SLC4A4: variants seen among roughly 807,000 people sequenced by gnomAD.
The protein encoded by SLC4A4 is solute carrier family 4 member 4.
In SLC4A4, 27 loss-of-function variants were observed where a neutral mutation model predicts 111.5. The observed-to-expected ratio is 0.24, with a 90% confidence interval of 0.18 to 0.33. The LOEUF (loss-of-function observed/expected upper bound fraction) is 0.33, where lower values mean the gene tolerates loss of function less well. Ranked by LOEUF, SLC4A4 falls within the 10% of genes least tolerant of loss-of-function variation. The pLI, the probability that SLC4A4 is intolerant of heterozygous loss-of-function variation, is 1.00. For missense variants in SLC4A4, 909 were observed against 1,315.5 expected (o/e 0.69, Z 4.78); for synonymous variants, 443 against 463.4 (o/e 0.96, Z 0.57).
intron 3 of SLC4A4, among the ~76,000 whole-genome samples, chr4:71,273,891 A>T (rs1487004510): frequency 2.0e-5 from 3 of 152,166 alleles, no homozygotes; most frequent in Admixed American, 2.0e-4. Context: ...TGTCTGACTC[A>T]TGGAACTGTT....
At chr4:71,362,806 G>A (rs1425647140) in intron 6 of SLC4A4, among the ~76,000 whole-genome samples, 1 of 152,192 alleles carries the variant, frequency 6.6e-6, no homozygotes, top group African/African-American at 2.4e-5. Context: ...TAAGGAGCTG[G>A]AGACAGTGGC....
intron 2 of SLC4A4, among the ~76,000 whole-genome samples, chr4:71,094,991 T>C (rs184852701): frequency 3.9e-5 from 6 of 152,334 alleles, no homozygotes; most frequent in Non-Finnish European, 8.8e-5. Flanking sequence ...TTCAAATTGT[T>C]GATCAGTAAA....
intron 6 of SLC4A4, among the ~76,000 whole-genome samples, chr4:71,386,911 A>G (rs1718787884): frequency 1.3e-5 from 2 of 152,222 alleles, no homozygotes; most frequent in African/African-American, 2.4e-5. Context: ...AGCAGGAGGC[A>G]TAATTCTGAG....
At chr4:71,117,070 G>C (rs935801836) in intron 2 of SLC4A4, among the ~76,000 whole-genome samples, 1 of 152,132 alleles carries the variant, frequency 6.6e-6, no homozygotes, top group African/African-American at 2.4e-5. Flanking sequence ...CCAACCTCTT[G>C]GGCCCAAGTG....
intron 15 of SLC4A4, among the ~76,000 whole-genome samples, chr4:71,495,904 T>G (rs116549415): frequency 6.6e-6 from 1 of 152,088 alleles, no homozygotes; most frequent in Non-Finnish European, 1.5e-5. Context: ...CCCAACCACA[T>G]TGGCATCCAT....
At chr4:71,284,245 TC>T (rs1478160307) in intron 3 of SLC4A4, among the ~76,000 whole-genome samples, 1 of 152,224 alleles carries the variant, frequency 6.6e-6, no homozygotes, top group Non-Finnish European at 1.5e-5. Context: ...AAAATGTTTT[TC>T]ATTGAATTTG....
intron 14 of SLC4A4, among the ~76,000 whole-genome samples, chr4:71,482,720 T>G (rs1728996658): frequency 6.6e-6 from 1 of 151,636 alleles, no homozygotes; most frequent in African/African-American, 2.4e-5. Flanking sequence ...TTGCCTTTCC[T>G]CAAAAGCTCA....
intron 2 of SLC4A4, among the ~76,000 whole-genome samples, chr4:71,145,006 G>C (rs983857196): frequency 2.0e-5 from 3 of 152,076 alleles, no homozygotes; most frequent in Non-Finnish European, 2.9e-5. Flanking sequence ...TGGTGAGAGA[G>C]GGCATCCGTG....
At chr4:71,477,595 T>C (rs1460249364) in intron 14 of SLC4A4, among the ~76,000 whole-genome samples, 3 of 151,832 alleles carry the variant, frequency 2.0e-5, no homozygotes, top group Non-Finnish European at 4.4e-5. Context: ...ACAAAAGTGT[T>C]GTATATTATA....
rs376538998 is a variant in SLC4A4, at chr4:71,339,468, G to T, written c.352G>T (p.Val118Leu). The T allele has an allele frequency of 6.2e-7, 1 of 1,614,012 alleles. No homozygotes were observed. Among genetic ancestry groups the T allele is most frequent in the South Asian group, 1.1e-5 (1 of 91,066 alleles). The change falls in exon 4 of 26, where the codon GTG (valine) becomes TTG (leucine). Residue 118 changes from valine (V) to leucine (L), a missense_variant. By Grantham distance (32) the Val-to-Leu change is conservative (BLOSUM62 1). Transcript: ENST00000264485. ...CACGGAACTGGATGAGCTGCTGGCC[G>T]TGGATGGGCAGGAGATGGAGTGGAA... ...LFTELDELLA[V>L]DGQEMEWKET...
At chr4:71,231,295 A>G (rs1276035621) in intron 1 of SLC4A4, among the ~76,000 whole-genome samples, 2 of 152,156 alleles carry the variant, frequency 1.3e-5, no homozygotes, top group Non-Finnish European at 2.9e-5. Flanking sequence ...GGCAGTTGGC[A>G]TGGGCTCTGG....
intron 12 of SLC4A4, 127 bp downstream of exon 12, chr4:71,453,796 G>T (rs1430240678): frequency 3.1e-5 from 27 of 857,982 alleles, no homozygotes; most frequent in Non-Finnish European, 3.5e-5. Flanking sequence ...GCTGGATGCT[G>T]CATTTTACTT....
chr4:71,432,730 T>TA (rs201134667), intron 7 of SLC4A4, among the ~76,000 whole-genome samples: 3,345 of 152,078 alleles, frequency 0.022, 65 homozygotes, highest in Non-Finnish European at 0.033. Flanking sequence ...GTATCAAATT[T>TA]AAAAAAATCT....
intron 2 of SLC4A4, among the ~76,000 whole-genome samples, chr4:71,237,419 AATC>A (rs1719887654): frequency 6.6e-6 from 1 of 152,206 alleles, no homozygotes; most frequent in Non-Finnish European, 1.5e-5. Context: ...GATTTTTAAA[AATC>A]AGGGTTATAG....
intron 2 of SLC4A4, among the ~76,000 whole-genome samples, chr4:71,149,520 G>C (rs1020698242): frequency 6.6e-6 from 1 of 152,142 alleles, no homozygotes; most frequent in Non-Finnish European, 1.5e-5. Flanking sequence ...CTGGAGAGGA[G>C]AGCTCTAAAC....
chr4:71,250,651 G>A (rs1034421321), intron 2 of SLC4A4, among the ~76,000 whole-genome samples: 2 of 152,086 alleles, frequency 1.3e-5, no homozygotes, highest in South Asian at 2.1e-4. Context: ...TAAAATGCAC[G>A]TCATGAAACT....
chr4:71,197,842 A>G (rs1430778275), intron 1 of SLC4A4, among the ~76,000 whole-genome samples: 3 of 152,190 alleles, frequency 2.0e-5, no homozygotes, highest in African/African-American at 7.2e-5. Flanking sequence ...AATTAGAGAC[A>G]CCTACTAACT....
intron 4 of SLC4A4, among the ~76,000 whole-genome samples, chr4:71,343,666 C>T (rs923004178): frequency 6.6e-6 from 1 of 152,216 alleles, no homozygotes; most frequent in East Asian, 1.9e-4. Flanking sequence ...CTACATCTCA[C>T]ATTCAGTACT....
In SLC4A4 at chr4:71,555,124, A is replaced by G. The variant is rs779468300; in HGVS notation, c.2695-16A>G. On this transcript the variant is annotated splice_polypyrimidine_tract_variant and intron_variant, in intron 20 of 25. Coordinates refer to ENST00000264485, the MANE Select transcript of SLC4A4 (RefSeq NM_001098484.3). ...TTGTTATCATTTTTAAGTTGTATCC[A>G]TTTTTTTCCTTCTAGTTTATACCCA... 4.5e-6 allele frequency: 7 copies of G among 1,572,324 alleles called. No homozygotes were observed. The African/African-American group carries it at 5.4e-5, about 12-fold the overall frequency.
Sources: gnomAD v4.1 joint callset for allele counts (sites outside exome capture counted in the v4.1 genomes callset) on GRCh38, gnomAD v4.1.1 for gene constraint, MANE v1.5 for transcripts, NCBI Gene and HGNC (gene_info 2026-07-23, HGNC 2026-07-21) for gene names.